CEP135: variants seen among roughly 807,000 people sequenced by gnomAD.
The protein encoded by CEP135 is centrosomal protein of 135 kDa.
CEP135 carries 142 observed loss-of-function variants against 157.3 expected under a neutral mutation model. That is an observed-to-expected ratio of 0.90 (90% CI 0.79 to 1.04). The LOEUF is 1.04. Among genes scored for constraint, CEP135 ranks in the 50% least tolerant of loss-of-function variants. The probability of loss-of-function intolerance (pLI) is 0.00; values close to 1 mark genes in which losing one functional copy is unlikely to be tolerated. For synonymous variants in CEP135, 396 were observed against 439.8 expected, an observed-to-expected ratio of 0.90 and a Z score of 1.25; for missense variants, 1,317 against 1,309.2, an observed-to-expected ratio of 1.01 and a Z score of -0.09.
At position 55,954,085 on chromosome 4, in the gene CEP135, T is replaced by A. The variant is rs181300842; in HGVS notation, c.305-131T>A. ...ATAATAGTAGAAGAAGGAATAAGTG[T>A]CAACTAAAGCATGCATAAGAAGCAG... On this transcript the variant is annotated intron_variant, in intron 3 of 25. Transcript: ENST00000257287. 2.8e-5 allele frequency: 19 copies of A among 690,584 alleles called. No homozygotes were observed. The Admixed American group carries it at 5.2e-4, about 19-fold the overall frequency. The allele number at this position is 690,584 out of a possible 1,614,324, so 42.8% of individuals were successfully genotyped here.
At position 56,019,553 on chromosome 4, in the gene CEP135, A is replaced by T. The variant is rs1730901152; in HGVS notation, c.3213A>T (p.Lys1071Asn). The T allele has an allele frequency of 1.9e-6, 3 of 1,606,596 alleles. No individual in the cohort carries two copies. The highest frequency in any genetic ancestry group is 2.5e-6 in the Non-Finnish European group (3 of 1,177,398). Residue 1071 changes from lysine (K) to asparagine (N), a missense_variant and splice_region_variant, in exon 23 of 26, where the codon AAA becomes AAT. By Grantham distance (94) the Lys-to-Asn change is moderately conservative. Transcript: ENST00000257287. ...LKEKLTLSES[K>N]LTSQSRENTM... is the part of the protein sequence containing the mutation. ...AGAAGTTAACCCTTTCTGAAAGCAA[A>T]TTGTAAGTGTCTTAAGTCAACTTAT...
intron 19 of CEP135, among the ~76,000 whole-genome samples, chr4:56,011,002 AGT>A (rs1730563346): frequency 6.6e-6 from 1 of 152,042 alleles, no homozygotes; most frequent in African/African-American, 2.4e-5. Context: ...CGGAGACCAA[AGT>A]GGGAGGATTG....
In CEP135 at chr4:55,957,122, A is replaced by G. The variant is rs755088773; in HGVS notation, c.473-101A>G. The G allele has an allele frequency of 1.5e-5, 18 of 1,224,036 alleles. No homozygotes were observed. The African/African-American group carries it at 2.7e-4, about 19-fold the overall frequency. 75.8% of individuals were successfully genotyped at this position (1,224,036 alleles called of 1,614,324 possible). A position where few individuals can be genotyped will look rare whatever the true frequency, so the allele number is the denominator to read the frequency against. ...AATATTTTGTCAATATGTATTATGA[A>G]CTGCAGACACACTTTATAACCGAAA... On this transcript the variant is annotated intron_variant, in intron 4 of 25. Transcript: ENST00000257287.
Position 56,003,123 on chromosome 4 carries a change from C to T in CEP135, c.2280+3478C>T, listed in dbSNP as rs113840038. Among the ~76,000 whole-genome samples, 1,446 of 152,154 alleles carry T rather than the reference C, an allele frequency of 9.5e-3. 26 individuals are homozygous for T. The highest frequency in any genetic ancestry group is 0.033 in the African/African-American group (1,374 of 41,542). On this transcript the variant is annotated intron_variant, in intron 17 of 25. Coordinates refer to ENST00000257287, the MANE Select transcript of CEP135 (RefSeq NM_025009.5). ...TCTTCTCTCTTTTTTTATTAGTCAACCTTAAAGGTTTGTTGATTTTTGTTT... is the reference window on the plus strand; with the variant it reads ...TCTTCTCTCTTTTTTTATTAGTCAATCTTAAAGGTTTGTTGATTTTTGTTT...
At chr4:56,029,832 G>A (rs1307272825) in intron 25 of CEP135, among the ~76,000 whole-genome samples, 1 of 152,180 alleles carries the variant, frequency 6.6e-6, no homozygotes, top group Non-Finnish European at 1.5e-5. Context: ...TTACCACAAA[G>A]GGAGCTTGCA....
rs373846064 is a variant in CEP135 at position 55,965,690 on chromosome 4, G to A, written c.875G>A (p.Arg292Gln). ...QANKDLEKRI[R>Q]ELMETKETVT... The stretch of plus-strand genomic sequence containing the variant: ...AATAAAGACCTGGAGAAGCGTATAC[G>A]AGAGCTTATGGAAACCAAGGAAACA... Residue 292 changes from arginine to glutamine, a missense_variant, in exon 8 of 26, where the codon CGA becomes CAA. Transcript: ENST00000257287. 4.5e-5 allele frequency: 72 copies of A among 1,613,578 alleles called. No individual in the cohort carries two copies. In the Middle Eastern group the frequency reaches 4.9e-4, roughly 11 times the overall value.
intron 10 of CEP135, 67 bp downstream of exon 10, chr4:55,971,475 G>A: frequency 1.4e-6 from 2 of 1,413,168 alleles, no homozygotes; most frequent in Non-Finnish European, 1.9e-6. Flanking sequence ...GTTTTTCTTA[G>A]TAGATATTCA....
intron 14 of CEP135, among the ~76,000 whole-genome samples, chr4:55,987,271 G>A (rs770927685): frequency 1.2e-4 from 18 of 152,110 alleles, no homozygotes; most frequent in Admixed American, 3.9e-4. Context: ...TAATTTGTTC[G>A]TGGTTCTTTC....
intron 25 of CEP135, among the ~76,000 whole-genome samples, chr4:56,025,436 C>G (rs1239334851): frequency 6.6e-6 from 1 of 152,070 alleles, no homozygotes. Flanking sequence ...AACAGTAGTA[C>G]ACATGGTACA....
At chr4:55,993,408 A>G (rs1577893253) in intron 15 of CEP135, among the ~76,000 whole-genome samples, 1 of 152,352 alleles carries the variant, frequency 6.6e-6, no homozygotes, top group Non-Finnish European at 1.5e-5. Context: ...TGTCTAGTTA[A>G]TTAAGGAATA....
chr4:55,971,159 C>A, intron 9 of CEP135, 111 bp from the exon 10 acceptor site: 1 of 700,918 alleles, frequency 1.4e-6, no homozygotes, highest in South Asian at 2.5e-5. Flanking sequence ...TATGTACACA[C>A]ACGTATATGT....
In CEP135 at chr4:56,024,493, AC is replaced by A; in HGVS notation, c.3321-7del. On this transcript the variant is annotated splice_region_variant and splice_polypyrimidine_tract_variant and intron_variant, in intron 24 of 25. Coordinates refer to ENST00000257287, the MANE Select transcript of CEP135 (RefSeq NM_025009.5). ...AATATATCTCTCTTGTTTGATCTTT[AC>A]TAACAGAGAACGAGCAATCCAAGAG... 3 of 1,607,488 alleles carry A rather than the reference AC, an allele frequency of 1.9e-6. No homozygotes were observed. In the South Asian group the frequency reaches 3.3e-5, roughly 18 times the overall value.
chr4:56,024,071 T>A (rs2109751528), intron 24 of CEP135, among the ~76,000 whole-genome samples: 1 of 143,698 alleles, frequency 7.0e-6, no homozygotes. Flanking sequence ...ATATATTATA[T>A]ATTATATAAT....
At chr4:55,949,268 C>T (rs554718948) in intron 1 of CEP135, among the ~76,000 whole-genome samples, 1 of 152,166 alleles carries the variant, frequency 6.6e-6, no homozygotes, top group Non-Finnish European at 1.5e-5. Context: ...CCGTCAACAC[C>T]CGACGGTAAA....
intron 17 of CEP135, among the ~76,000 whole-genome samples, chr4:56,003,234 G>A (rs1318005214): frequency 6.6e-6 from 1 of 151,742 alleles, no homozygotes; most frequent in East Asian, 1.9e-4. Context: ...GTCGCTCAGG[G>A]TGGAGTGCAG....
chr4:56,029,479 T>C (rs1731265822), intron 25 of CEP135, among the ~76,000 whole-genome samples: 1 of 152,160 alleles, frequency 6.6e-6, no homozygotes, highest in African/African-American at 2.4e-5. Context: ...ACTCTGGAGA[T>C]TACAAGGAGC....
In CEP135 at chr4:55,955,226, CAG is replaced by C. The variant is rs1394155302; in HGVS notation, c.472+844_472+845del. Among the ~76,000 whole-genome samples the C allele has an allele frequency of 6.6e-5, 10 of 152,068 alleles. 1 individual carries two copies. The highest frequency in any genetic ancestry group is 2.0e-4 in the Admixed American group (3 of 15,264). On this transcript the variant is annotated intron_variant, in intron 4 of 25. Coordinates refer to ENST00000257287, the MANE Select transcript of CEP135 (RefSeq NM_025009.5). ...CAAGATTATGAAATTAAGTGAGTAACAGGGGGCTGCTGGATTATGAGGCTAGG... is the reference window on the plus strand; with the variant it reads ...CAAGATTATGAAATTAAGTGAGTAACGGGGCTGCTGGATTATGAGGCTAGG...
chr4:55,972,157 A>T (rs1185518594), intron 10 of CEP135, among the ~76,000 whole-genome samples: 1 of 152,178 alleles, frequency 6.6e-6, no homozygotes, highest in East Asian at 1.9e-4. Context: ...CTCCAAAAAA[A>T]AAAAGAATTT....
At position 55,971,351 on chromosome 4, in the gene CEP135, C is replaced by T; in HGVS notation, c.1192C>T (p.Gln398Ter). The change falls in exon 10 of 26, where the codon CAG becomes TAG. Residue 398 changes from glutamine to a stop codon, truncating the protein, a stop_gained. Transcript: ENST00000257287. LOFTEE classifies it high-confidence loss of function. ...VKSDLETVVH[Q>*]LEQEKQRLSK... ...ATCAGACCTAGAAACTGTTGTTCAT[C>T]AGCTTGAACAAGAAAAGCAAAGACT... 6.2e-7 allele frequency: 1 copy of T among 1,605,998 alleles called. No homozygotes were observed. Among genetic ancestry groups the T allele is most frequent in the Non-Finnish European group, 8.5e-7 (1 of 1,176,642 alleles).
Sources: gnomAD v4.1 joint callset for allele counts (sites outside exome capture counted in the v4.1 genomes callset) on GRCh38, gnomAD v4.1.1 for gene constraint, MANE v1.5 for transcripts, NCBI Gene and HGNC (gene_info 2026-07-23, HGNC 2026-07-21) for gene names.